Variants in IQGAP3 observed in about 807,000 individuals in gnomAD.
IQGAP3 encodes the protein ras GTPase-activating-like protein IQGAP3.
IQGAP3 carries 165 observed loss-of-function variants against 208.2 expected under a neutral mutation model. The observed-to-expected ratio is 0.79, with a 90% confidence interval of 0.70 to 0.90. The LOEUF (loss-of-function observed/expected upper bound fraction) is 0.90, where lower values mean the gene tolerates loss of function less well. Ranked by LOEUF, IQGAP3 falls within the 40% of genes least tolerant of loss-of-function variation. The probability of loss-of-function intolerance (pLI) is 0.00; values close to 1 mark genes in which losing one functional copy is unlikely to be tolerated. For synonymous variants in IQGAP3, 703 were observed against 803.6 expected (o/e 0.87, Z 2.12); for missense variants, 1,811 against 2,043.1 (o/e 0.89, Z 2.19).
At chr1:156,570,804 C>T (rs1676613760) in intron 1 of IQGAP3, among the ~76,000 whole-genome samples, 1 of 152,098 alleles carries the variant, frequency 6.6e-6, no homozygotes, top group African/African-American at 2.4e-5. Context: ...ACCACAGCGC[C>T]CAAAGATTAT....
Position 156,533,069 on chromosome 1 carries a change from G to C in IQGAP3, c.4014C>G (p.Ser1338Arg), listed in dbSNP as rs1431374194. The change falls in exon 32 of 38, where the codon AGC (serine) becomes AGG (arginine). Residue 1338 changes from serine (S) to arginine (R), a missense_variant. Transcript: ENST00000361170. The part of the protein sequence containing the change: ...SIAADGHTDL[S>R]KLEVSLTLTN... ...TCAGCGTCAGGGACACTTCTAGCTT[G>C]CTCAGGTCCGTGTGCCCATCTGCAG... is the stretch of plus-strand genomic sequence containing the variant. The C allele has an allele frequency of 3.1e-6, 5 of 1,613,926 alleles. No individual in the cohort carries two copies. The highest frequency in any genetic ancestry group is 4.2e-6 in the Non-Finnish European group (5 of 1,179,984).
chr1:156,545,761 AGTTCTGAG>A (rs1675215056), intron 19 of IQGAP3, among the ~76,000 whole-genome samples: 1 of 152,034 alleles, frequency 6.6e-6, no homozygotes. Context: ...GGCCTCCCAA[AGTTCTGAG>A]GTTACAGGCG....
chr1:156,566,674 T>G, intron 2 of IQGAP3, 128 bp from the exon 3 acceptor site: 1 of 847,766 alleles, frequency 1.2e-6, no homozygotes, highest in Non-Finnish European at 1.8e-6. Flanking sequence ...GTTCCTGCTC[T>G]ACCTCCAACT....
chr1:156,531,549 C>T (rs149973217), intron 32 of IQGAP3, among the ~76,000 whole-genome samples: 1 of 151,698 alleles, frequency 6.6e-6, no homozygotes, highest in African/African-American at 2.4e-5. Context: ...AGCCCTAGCC[C>T]GATCCTGCTC....
chr1:156,544,521 C>T (rs1675142145), intron 19 of IQGAP3, 49 bp from the exon 20 acceptor site: 2 of 1,498,186 alleles, frequency 1.3e-6, no homozygotes, highest in Non-Finnish European at 1.9e-6. Flanking sequence ...TCTCCTTTGG[C>T]CAGAAAGGCT....
chr1:156,564,467 A>T, intron 5 of IQGAP3, 148 bp downstream of exon 5: 1 of 683,458 alleles, frequency 1.5e-6, no homozygotes, highest in Non-Finnish European at 2.7e-6. Flanking sequence ...AAATCTAAAC[A>T]CAACTCTGTA....
In IQGAP3 at chr1:156,563,677, G is replaced by A; in HGVS notation, c.506-11C>T. ...TGCTGAGTTCCTCAGCTGCAATGATGCCACAGGTGCCCTTCATCAGGCCCA... is the reference window on the plus strand; with the variant it reads ...TGCTGAGTTCCTCAGCTGCAATGATACCACAGGTGCCCTTCATCAGGCCCA... On this transcript the variant is annotated splice_polypyrimidine_tract_variant and intron_variant, in intron 6 of 37. Coordinates refer to ENST00000361170, the MANE Select transcript of IQGAP3 (RefSeq NM_178229.5). 6.2e-7 allele frequency: 1 copy of A among 1,610,556 alleles called. No homozygotes were observed. Among genetic ancestry groups the A allele is most frequent in the Non-Finnish European group, 8.5e-7 (1 of 1,177,826 alleles).
Position 156,551,735 on chromosome 1 carries a change from G to C in IQGAP3, c.1704C>G (p.Leu568=). 1 of 1,613,362 alleles carries C rather than the reference G, an allele frequency of 6.2e-7. No individual in the cohort carries two copies. The highest frequency in any genetic ancestry group is 8.5e-7 in the Non-Finnish European group (1 of 1,179,866). Residue 568 remains leucine, a synonymous_variant, in exon 15 of 38, where the codon CTC becomes CTG. Transcript: ENST00000361170. ...CCTTCTGCCTTTTGGCTGCCACAAGGAGGAGATGGTACCGAGGGGCGACAG... is the reference window on the plus strand; with the variant it reads ...CCTTCTGCCTTTTGGCTGCCACAAGCAGGAGATGGTACCGAGGGGCGACAG... ...SLPVAPRYHL[L]LVAAKRQKAQ...
chr1:156,544,671 C>T (rs992388944), intron 19 of IQGAP3, among the ~76,000 whole-genome samples, 199 bp from the exon 20 acceptor site: 3 of 152,122 alleles, frequency 2.0e-5, no homozygotes, highest in Admixed American at 6.6e-5. Context: ...GCCAACAATG[C>T]CCTCTGCCAT....
Position 156,535,242 on chromosome 1 carries a change from C to G in IQGAP3, c.3428G>C (p.Gly1143Ala). The change falls in exon 28 of 38, where the codon GGG becomes GCG. Residue 1143 changes from glycine (G) to alanine (A), a missense_variant. Physicochemically the swap from Gly to Ala is moderately conservative, Grantham distance 60. Transcript: ENST00000361170. ...CAGGACTTTGGCCACATATCGCATC[C>G]CATACCTGGGGACAAAGAAACAGGT... The part of the protein sequence containing the change: ...ITSSVDQIPY[G>A]MRYVAKVLKA... The G allele has an allele frequency of 6.2e-7, 1 of 1,610,340 alleles. No homozygotes were observed. Among genetic ancestry groups the G allele is most frequent in the Non-Finnish European group, 8.5e-7 (1 of 1,177,560 alleles).
chr1:156,569,595 T>G (rs1011632589), intron 1 of IQGAP3, 132 bp from the exon 2 acceptor site: 5 of 407,086 alleles, frequency 1.2e-5, no homozygotes, highest in Non-Finnish European at 1.3e-5. Context: ...CTTGGCTCAC[T>G]GCAAGCTCCG....
chr1:156,567,147 A>T lies in IQGAP3; in HGVS notation c.126-601T>A, dbSNP rs145711212. ...CTCCCAAAGTGCTGGGATTACAGGC[A>T]TGAGCCACCGCGCCCGGCCCTAGTT... On this transcript the variant is annotated intron_variant, in intron 2 of 37. Coordinates refer to ENST00000361170, the MANE Select transcript of IQGAP3 (RefSeq NM_178229.5). 5.7e-3 allele frequency among the ~76,000 whole-genome samples: 862 copies of T among 152,248 alleles called. 3 individuals carry two copies. Among genetic ancestry groups the T allele is most frequent in the Non-Finnish European group, 7.6e-3 (515 of 68,012 alleles).
At chr1:156,538,719 T>C (rs1674826886) in intron 26 of IQGAP3, 90 bp downstream of exon 26, 1 of 1,087,244 alleles carries the variant, frequency 9.2e-7, no homozygotes, top group Non-Finnish European at 1.4e-6. Context: ...ACCTTCAAAG[T>C]ACACCCAAGC....
chr1:156,554,514 T>C, intron 12 of IQGAP3, 122 bp from the exon 13 acceptor site: 1 of 848,012 alleles, frequency 1.2e-6, no homozygotes, highest in Non-Finnish European at 1.8e-6. Context: ...CCCAGTGGCC[T>C]GATTCACTCA....
At chr1:156,560,035 G>C (rs1038000063) in intron 11 of IQGAP3, among the ~76,000 whole-genome samples, 21 of 152,178 alleles carry the variant, frequency 1.4e-4, no homozygotes, top group African/African-American at 5.1e-4. Flanking sequence ...GTTAGACAAA[G>C]GTAAATGGTT....
chr1:156,562,851 C>T (rs1373316926), intron 8 of IQGAP3, among the ~76,000 whole-genome samples, 186 bp from the exon 9 acceptor site: 1 of 152,222 alleles, frequency 6.6e-6, no homozygotes, highest in East Asian at 1.9e-4. Flanking sequence ...GCCAAACCAA[C>T]CTTTGGAACC....
At chr1:156,542,726 G>C (rs1675045927) in intron 22 of IQGAP3, among the ~76,000 whole-genome samples, 1 of 152,146 alleles carries the variant, frequency 6.6e-6, no homozygotes, top group South Asian at 2.1e-4. Flanking sequence ...GATCACTTGA[G>C]CCCAGGAGTT....
chr1:156,556,057 T>C (rs1346906173), intron 12 of IQGAP3, among the ~76,000 whole-genome samples: 3 of 152,240 alleles, frequency 2.0e-5, no homozygotes, highest in African/African-American at 4.8e-5. Flanking sequence ...TCATCTGCTC[T>C]TCTCTCCCTG....
Position 156,538,688 on chromosome 1 carries a change from C to CT in IQGAP3, c.3281+120_3281+121insA. 6 of 742,910 alleles carry CT rather than the reference C, an allele frequency of 8.1e-6. No individual in the cohort carries two copies. The South Asian group carries it at 9.9e-5, about 12-fold the overall frequency. 46.0% of individuals were successfully genotyped at this position (742,910 alleles called of 1,614,324 possible). Reference sequence around the variant, plus strand: ...AAGCTGGTGTCATATTTGCATAGATCAGCATGCCCATTTATATGCCACCTT... The same window carrying CT: ...AAGCTGGTGTCATATTTGCATAGATCTAGCATGCCCATTTATATGCCACCTT... On this transcript the variant is annotated intron_variant, in intron 26 of 37. Transcript: ENST00000361170.
Sources: allele counts gnomAD v4.1 joint callset (sites outside exome capture counted in the v4.1 genomes callset), GRCh38; gene constraint gnomAD v4.1.1; transcripts MANE v1.5; gene names NCBI Gene and HGNC (gene_info 2026-07-23, HGNC 2026-07-21).